Variants in RFXAP observed in about 807,000 individuals in gnomAD.
The protein encoded by RFXAP is regulatory factor X-associated protein.
A neutral mutation model predicts 25.7 loss-of-function variants in RFXAP; 21 were observed. The ratio of observed to expected loss-of-function variants is 0.82; its 90% CI spans 0.58 to 1.18. RFXAP has a LOEUF of 1.18. Ranked by LOEUF, RFXAP falls within the 50% of genes most tolerant of loss-of-function variation. The pLI, the probability that RFXAP is intolerant of heterozygous loss-of-function variation, is 0.00. For missense variants in RFXAP, 333 were observed against 363.0 expected, an observed-to-expected ratio of 0.92 and a Z score of 0.67; for synonymous variants, 161 against 152.2, an observed-to-expected ratio of 1.06 and a Z score of -0.43.
intron 1 of RFXAP, 22 bp from the exon 2 acceptor site, chr13:36,825,406 G>T: frequency 1.3e-6 from 2 of 1,516,600 alleles, no homozygotes; most frequent in Non-Finnish European, 1.8e-6. Context: ...TTATCTATTT[G>T]CATTTTTATC....
intron 2 of RFXAP, among the ~76,000 whole-genome samples, chr13:36,826,413 C>T (rs375211646): frequency 1.7e-4 from 26 of 151,964 alleles, no homozygotes; most frequent in African/African-American, 4.6e-4. Flanking sequence ...TAAACGATTA[C>T]GCACAATGAT....
At chr13:36,826,136 G>C (rs1386846319) in intron 2 of RFXAP, among the ~76,000 whole-genome samples, 19 of 152,162 alleles carry the variant, frequency 1.2e-4, no homozygotes, top group Non-Finnish European at 2.6e-4. Flanking sequence ...TCATACCACT[G>C]TACTCCAGCC....
intron 1 of RFXAP, among the ~76,000 whole-genome samples, chr13:36,821,693 C>A (rs150624210): frequency 4.3e-4 from 66 of 152,198 alleles, no homozygotes; most frequent in African/African-American, 1.5e-3. Flanking sequence ...CTAAATATTT[C>A]TAAAATTTGC....
chr13:36,819,879 T>C lies in RFXAP; in HGVS notation c.522T>C (p.Tyr174=), dbSNP rs369585303. The C allele has an allele frequency of 1.2e-6, 2 of 1,609,958 alleles. No homozygotes were observed. Among genetic ancestry groups the C allele is most frequent in the African/African-American group, 1.3e-5 (1 of 74,714 alleles). ...KHRNKMYKDK[Y]KKKKSDQALN... ...GCAACAAGATGTACAAGGACAAGTA[T>C]AAAAAGAAGAAGAGCGACCAGGCCC... Residue 174 remains tyrosine, a synonymous_variant, in exon 1 of 3, where the codon TAT becomes TAC. Transcript: ENST00000255476.
rs145594855 is a variant in RFXAP, at chr13:36,828,601, G to T, written c.*848G>T. The T allele has an allele frequency of 6.6e-6, 1 of 152,034 alleles. No individual in the cohort carries two copies. The highest frequency in any genetic ancestry group is 1.9e-4 in the East Asian group (1 of 5,160). The allele number at this position is 152,034 out of a possible 1,614,324, so 9.4% of individuals were successfully genotyped here. A position where few individuals can be genotyped will look rare whatever the true frequency, so the allele number is the denominator to read the frequency against. ...ATAGATCTCAGCCCACCAATGCCAA[G>T]ACAAAATTATTTTTCTTATACTTAT... On this transcript the variant is annotated 3_prime_UTR_variant, in exon 3 of 3. Transcript: ENST00000255476.
rs2057983009 is a variant in RFXAP at position 36,827,771 on chromosome 13, A to G, written c.*18A>G. On this transcript the variant is annotated 3_prime_UTR_variant, in exon 3 of 3. Transcript: ENST00000255476. ...CAATGTGAGGGAACTTACCAAGAAC[A>G]TCTACATGGTTTTTTATCTTATTGT... 3.3e-6 allele frequency: 5 copies of G among 1,496,688 alleles called. No individual in the cohort carries two copies. Among genetic ancestry groups the G allele is most frequent in the African/African-American group, 1.8e-5 (1 of 56,170 alleles). The allele number at this position is 1,496,688 out of a possible 1,614,324, so 92.7% of individuals were successfully genotyped here.
At chr13:36,820,306 C>G (rs994870623) in intron 1 of RFXAP, among the ~76,000 whole-genome samples, 2 of 152,166 alleles carry the variant, frequency 1.3e-5, no homozygotes, top group African/African-American at 2.4e-5. Context: ...GTTGGTACTT[C>G]TGAGAAAGTC....
At position 36,819,710 on chromosome 13, in the gene RFXAP, C is replaced by CG. The variant is rs1224857205; in HGVS notation, c.359dup (p.Glu121ArgfsTer55). The CG allele has an allele frequency of 3.2e-6, 5 of 1,549,740 alleles. No individual in the cohort carries two copies. Among genetic ancestry groups the CG allele is most frequent in the Admixed American group, 2.0e-5 (1 of 50,932 alleles). ...GATCTAGAGGACGAGGAGACTCACT[C>CG]GGGGGGCGAGGGCAGCAGCGGGGGC... On this transcript the variant is annotated frameshift_variant, in exon 1 of 3. Transcript: ENST00000255476. LOFTEE classifies it high-confidence loss of function.
At chr13:36,826,673 TG>T (rs147273935) in intron 2 of RFXAP, among the ~76,000 whole-genome samples, 1 of 152,312 alleles carries the variant, frequency 6.6e-6, no homozygotes, top group East Asian at 1.9e-4. Context: ...ACAGCCTAAA[TG>T]TCCAACAGTG....
chr13:36,821,176 C>T (rs1362104748), intron 1 of RFXAP, among the ~76,000 whole-genome samples: 2 of 141,304 alleles, frequency 1.4e-5, no homozygotes, highest in African/African-American at 5.5e-5. Flanking sequence ...TGCATCACTG[C>T]ATTCCAGCCT....
intron 1 of RFXAP, among the ~76,000 whole-genome samples, 167 bp downstream of exon 1, chr13:36,820,124 C>A (rs1593530298): frequency 6.6e-6 from 1 of 152,096 alleles, no homozygotes; most frequent in East Asian, 1.9e-4. Context: ...AAGTTTATAC[C>A]AACATGTGCA....
At chr13:36,822,541 T>C (rs1471906762) in intron 1 of RFXAP, among the ~76,000 whole-genome samples, 2 of 152,110 alleles carry the variant, frequency 1.3e-5, no homozygotes, top group African/African-American at 4.8e-5. Flanking sequence ...AAGAACCTTA[T>C]TACTATTTTG....
chr13:36,819,299 G>T lies in RFXAP; in HGVS notation c.-59G>T. The T allele has an allele frequency of 3.2e-6, 4 of 1,238,680 alleles. No individual in the cohort carries two copies. Among genetic ancestry groups the T allele is most frequent in the Non-Finnish European group, 4.0e-6 (4 of 988,580 alleles). The allele number at this position is 1,238,680 out of a possible 1,614,324, so 76.7% of individuals were successfully genotyped here. On this transcript the variant is annotated 5_prime_UTR_variant, in exon 1 of 3. Transcript: ENST00000255476. ...CTGAGTCTTTGGTTCGCGAAGTGCC[G>T]TTAGGCCAAGCAGGTGCTAAAAGCC...
intron 2 of RFXAP, among the ~76,000 whole-genome samples, chr13:36,826,915 G>C (rs143379891): frequency 6.6e-6 from 1 of 151,964 alleles, no homozygotes; most frequent in Non-Finnish European, 1.5e-5. Context: ...TGCTTGAGCC[G>C]AGGAGTTCAA....
chr13:36,826,727 A>C (rs2057979034), intron 2 of RFXAP, among the ~76,000 whole-genome samples: 1 of 152,264 alleles, frequency 6.6e-6, no homozygotes, highest in Non-Finnish European at 1.5e-5. Flanking sequence ...TGTTTAATAA[A>C]TAGAAAATGT....
At position 36,819,747 on chromosome 13, in the gene RFXAP, G is replaced by T. The variant is rs1450662438; in HGVS notation, c.390G>T (p.Arg130=). 4 of 1,553,576 alleles carry T rather than the reference G, an allele frequency of 2.6e-6. No homozygotes were observed. The African/African-American group carries it at 5.5e-5, about 21-fold the overall frequency. ...GEGSSGGARR[R]GSGGGSMSKT... is the part of the protein sequence containing the mutation. ...GCAGCAGCGGGGGCGCCCGGAGGCG[G>T]GGCAGCGGTGGGGGCAGCATGAGCA... is the stretch of plus-strand genomic sequence containing the variant. Residue 130 remains arginine (R), a synonymous_variant, in exon 1 of 3, where the codon CGG becomes CGT. Transcript: ENST00000255476.
At chr13:36,820,786 T>A (rs532771947) in intron 1 of RFXAP, among the ~76,000 whole-genome samples, 9 of 152,188 alleles carry the variant, frequency 5.9e-5, no homozygotes, top group Non-Finnish European at 1.3e-4. Context: ...GTTGCATCAT[T>A]TACTGGCCTT....
intron 2 of RFXAP, among the ~76,000 whole-genome samples, chr13:36,827,437 A>G (rs1303649572): frequency 1.3e-5 from 2 of 152,130 alleles, no homozygotes; most frequent in African/African-American, 4.8e-5. Context: ...CGTTATTTTT[A>G]GGTTTTAGTA....
intron 2 of RFXAP, among the ~76,000 whole-genome samples, chr13:36,827,097 A>AT (rs2057980534): frequency 1.3e-5 from 2 of 152,094 alleles, no homozygotes; most frequent in African/African-American, 4.8e-5. Context: ...GAGCAGTTAT[A>AT]TTTTTTCCTG....
Sources: gnomAD v4.1 joint callset for allele counts (sites outside exome capture counted in the v4.1 genomes callset) on GRCh38, gnomAD v4.1.1 for gene constraint, MANE v1.5 for transcripts, NCBI Gene and HGNC (gene_info 2026-07-23, HGNC 2026-07-21) for gene names.